The following NCOR2 variants were observed in gnomAD, a reference collection of about 807,000 sequenced individuals.
The protein encoded by NCOR2 is CTG repeat protein 26.
NCOR2 carries 81 observed loss-of-function variants against 262.9 expected under a neutral mutation model. The observed-to-expected ratio is 0.31, with a 90% confidence interval of 0.26 to 0.37. The LOEUF (loss-of-function observed/expected upper bound fraction) is 0.37, where lower values mean the gene tolerates loss of function less well. Among genes scored for constraint, NCOR2 ranks in the 10% least tolerant of loss-of-function variants. The probability of loss-of-function intolerance (pLI) is 1.00; values close to 1 mark genes in which losing one functional copy is unlikely to be tolerated. For missense variants in NCOR2, 3,385 were observed against 3,621.4 expected, an observed-to-expected ratio of 0.93 and a Z score of 1.68; for synonymous variants, 1,659 against 1,559.3, an observed-to-expected ratio of 1.06 and a Z score of -1.51.
intron 4 of NCOR2, among the ~76,000 whole-genome samples, chr12:124,470,528 G>A (rs2046780958): frequency 6.6e-6 from 1 of 152,236 alleles, no homozygotes; most frequent in Non-Finnish European, 1.5e-5. Context: ...AATGAAGGAT[G>A]GAGACAAGAG....
At position 124,560,854 on chromosome 12, in the gene NCOR2, C is replaced by A. The variant is rs533980307; in HGVS notation, c.-165+6454G>T. On this transcript the variant is annotated intron_variant, in intron 1 of 32. Coordinates refer to the NCOR2 transcript ENST00000458234. ...AAATAAGCTTTTATAAAGCCCAAAG[C>A]AACTGGCAGAGTTTTGAATGCATTA... Among the ~76,000 whole-genome samples the A allele has an allele frequency of 2.6e-5, 4 of 152,268 alleles. No individual in the cohort carries two copies. The East Asian group carries it at 7.7e-4, about 29-fold the overall frequency.
intron 9 of NCOR2, 38 bp downstream of exon 11, chr12:124,430,577 C>T (rs1306301305): frequency 6.4e-7 from 1 of 1,573,828 alleles, no homozygotes; most frequent in Non-Finnish European, 8.6e-7. Context: ...TGACCCCGGG[C>T]CCTGACGTCG....
rs2047640191 is a variant in NCOR2, at chr12:124,483,961, T to C, written c.234-188A>G. Among the ~76,000 whole-genome samples the C allele has an allele frequency of 6.6e-6, 1 of 152,108 alleles. No homozygotes were observed. The highest frequency in any genetic ancestry group is 6.5e-5 in the Admixed American group (1 of 15,272). On this transcript the variant is annotated intron_variant, in intron 2 of 46. Transcript: ENST00000405201. The surrounding 1 kb of genome is among the most constrained non-coding windows in gnomAD (Gnocchi z 6.3). ...GGCAGGACTCCAATGCAGCGCTGCC[T>C]TCCTTCAGGTCCACATTCACCGAGG...
chr12:124,390,935 C>T lies in NCOR2; in HGVS notation c.1877-5048G>A, dbSNP rs542900313. On this transcript the variant is annotated intron_variant, in intron 16 of 46. Transcript: ENST00000405201. Reference sequence around the variant, plus strand: ...CACAGACGCCGAGTGGAGAGCCAGGCGCAGGGGCCCGGCGGCCACGGGAGT... The same window carrying T: ...CACAGACGCCGAGTGGAGAGCCAGGTGCAGGGGCCCGGCGGCCACGGGAGT... Among the ~76,000 whole-genome samples the T allele has an allele frequency of 2.4e-4, 37 of 152,376 alleles. No homozygotes were observed. In the East Asian group the frequency reaches 5.4e-3, roughly 22 times the overall value.
chr12:124,532,600 C>A (rs1487114734), intron 1 of NCOR2, among the ~76,000 whole-genome samples: 1 of 152,202 alleles, frequency 6.6e-6, no homozygotes, highest in East Asian at 1.9e-4. Flanking sequence ...GCAGAGGAAG[C>A]TAAGTGCTTG....
chr12:124,405,538 G>A (rs557804725), intron 13 of NCOR2, among the ~76,000 whole-genome samples: 4 of 152,348 alleles, frequency 2.6e-5, no homozygotes, highest in South Asian at 4.1e-4. Flanking sequence ...GAGTGAGTCC[G>A]GTGGGGGAAG....
At chr12:124,355,179 G>C (rs999367967) in intron 24 of NCOR2, 100 of 614,306 alleles carry the variant, frequency 1.6e-4, no homozygotes, top group Non-Finnish European at 1.1e-4. Flanking sequence ...GGAAACAGGA[G>C]GTTAAGTAAC....
intron 20 of NCOR2, among the ~76,000 whole-genome samples, chr12:124,371,334 TC>T (rs1378947315): frequency 4.6e-5 from 7 of 152,090 alleles, no homozygotes; most frequent in Admixed American, 1.3e-4. Flanking sequence ...TAGAACTGTG[TC>T]CCCCCAGAGA....
At position 124,501,019 on chromosome 12, in the gene NCOR2, G is replaced by T. The variant is rs114661616; in HGVS notation, c.-117-5651C>A. Among the ~76,000 whole-genome samples, 1,190 of 151,882 alleles carry T rather than the reference G, an allele frequency of 7.8e-3. 23 individuals are homozygous for T. The highest frequency in any genetic ancestry group is 0.027 in the African/African-American group (1,104 of 41,378). ...GAGCCTCGGGATTAAAAACCAACCT[G>T]CCAGGCAGAGAGCGCCCACGGCACG... On this transcript the variant is annotated intron_variant, in intron 1 of 46. Transcript: ENST00000404621.
chr12:124,438,098 T>G, intron 7 of NCOR2, 102 bp from the exon 10 acceptor site: 2 of 1,136,928 alleles, frequency 1.8e-6, no homozygotes, highest in Non-Finnish European at 2.6e-6. Flanking sequence ...TTTGCCCCGT[T>G]ATTGGTTCTC....
intron 1 of NCOR2, among the ~76,000 whole-genome samples, chr12:124,507,275 C>T (rs944171146): frequency 6.6e-6 from 1 of 152,192 alleles, no homozygotes; most frequent in Non-Finnish European, 1.5e-5. Context: ...AGATCGGTTG[C>T]TAAACAATAT....
intron 1 of NCOR2, among the ~76,000 whole-genome samples, chr12:124,527,174 C>T (rs555068681): frequency 8.5e-5 from 13 of 152,160 alleles, no homozygotes; most frequent in Admixed American, 4.6e-4. Context: ...CTGAACAGGC[C>T]GTGCTGAAGG....
chr12:124,366,018 A>T (rs960080849), intron 20 of NCOR2, among the ~76,000 whole-genome samples: 6 of 152,242 alleles, frequency 3.9e-5, no homozygotes, highest in Middle Eastern at 3.4e-3. Flanking sequence ...TTTAAAAGAG[A>T]ATGCTGCAGC....
At chr12:124,397,507 C>A (rs541527105) in intron 16 of NCOR2, among the ~76,000 whole-genome samples, 2 of 152,326 alleles carry the variant, frequency 1.3e-5, no homozygotes, top group East Asian at 3.9e-4. Context: ...GCTTCTGCTG[C>A]CAGCACCAAT....
intron 1 of NCOR2, among the ~76,000 whole-genome samples, chr12:124,491,243 C>T (rs2048068050): frequency 6.6e-6 from 1 of 152,240 alleles, no homozygotes. Flanking sequence ...CTACTAAAGG[C>T]GATGTTGTAA....
chr12:124,332,534 A>G, intron 42 of NCOR2, 67 bp from the exon 45 acceptor site: 1 of 1,603,544 alleles, frequency 6.2e-7, no homozygotes, highest in Non-Finnish European at 8.5e-7. Context: ...GATGATGGGG[A>G]ACTCACCACC....
Position 124,475,320 on chromosome 12 carries a change from CAGTCCTCTGCACACCCCATGA to C in NCOR2, c.412-2210_412-2190del, listed in dbSNP as rs371780523. 4.9e-3 allele frequency among the ~76,000 whole-genome samples: 750 copies of C among 152,300 alleles called. 8 individuals carry two copies. Among genetic ancestry groups the C allele is most frequent in the African/African-American group, 0.017 (726 of 41,568 alleles). On this transcript the variant is annotated intron_variant, in intron 3 of 46. Coordinates refer to ENST00000405201, the Ensembl canonical transcript of NCOR2. Reference sequence around the variant, plus strand: ...GGGCCGCTCACAGCTCAGCCTATCCCAGTCCTCTGCACACCCCATGAAGTCCTCTGCACACCCCATGAAGTG... The same window carrying C: ...GGGCCGCTCACAGCTCAGCCTATCCCAGTCCTCTGCACACCCCATGAAGTG...
At chr12:124,552,268 C>G (rs1448521627) in intron 1 of NCOR2, among the ~76,000 whole-genome samples, 1 of 151,928 alleles carries the variant, frequency 6.6e-6, no homozygotes. Flanking sequence ...CTGCAGTGAG[C>G]TGCGAATGGA....
intron 1 of NCOR2, among the ~76,000 whole-genome samples, chr12:124,533,695 T>C (rs909098519): frequency 6.6e-6 from 1 of 152,092 alleles, no homozygotes; most frequent in African/African-American, 2.4e-5. Flanking sequence ...TAAACGAATA[T>C]ATAGTCATGT....
Sources: gnomAD v4.1 joint callset for allele counts (sites outside exome capture counted in the v4.1 genomes callset) on GRCh38, gnomAD v4.1.1 for gene constraint, Gnocchi (gnomAD v3.1) non-coding constraint, MANE v1.5 for transcripts, NCBI Gene and HGNC (gene_info 2026-07-23, HGNC 2026-07-21) for gene names.